Variants in HIVEP3 observed in about 807,000 individuals in gnomAD.
HIVEP3 encodes transcription factor HIVEP3.
A neutral mutation model predicts 152.8 loss-of-function variants in HIVEP3; 49 were observed. The ratio of observed to expected loss-of-function variants is 0.32; its 90% CI spans 0.26 to 0.41. The LOEUF (loss-of-function observed/expected upper bound fraction) is 0.41. HIVEP3 is among the 10% of genes least tolerant of loss of function. The pLI is 1.00. For missense variants in HIVEP3, 2,790 were observed against 3,103.3 expected, an observed-to-expected ratio of 0.90 and a Z score of 2.40; for synonymous variants, 1,269 against 1,289.0, an observed-to-expected ratio of 0.98 and a Z score of 0.33.
intron 2 of HIVEP3, among the ~76,000 whole-genome samples, chr1:41,666,122 C>CGT (rs60976179): frequency 0.01 from 1,549 of 149,824 alleles, 7 homozygotes; most frequent in Middle Eastern, 0.024. Context: ...GGTGTGTGTG[C>CGT]GTGTGTGTGT....
intron 1 of HIVEP3, chr1:41,847,632 A>G (rs918275383): frequency 6.6e-6 from 1 of 152,256 alleles, no homozygotes; most frequent in African/African-American, 2.4e-5. Context: ...GAAAAGCACA[A>G]TTATCCTGGA....
intron 1 of HIVEP3, among the ~76,000 whole-genome samples, chr1:41,866,273 C>T (rs1282647972): frequency 2.6e-5 from 4 of 152,244 alleles, no homozygotes; most frequent in Admixed American, 1.3e-4. Flanking sequence ...GGCTGGTCCT[C>T]CACCCCAGCT....
intron 1 of HIVEP3, among the ~76,000 whole-genome samples, chr1:41,952,685 C>T (rs1270812696): frequency 1.3e-5 from 2 of 152,070 alleles, no homozygotes; most frequent in South Asian, 2.1e-4. Flanking sequence ...TGTGTATATG[C>T]ACATGCATGT....
chr1:41,874,544 C>A (rs1340842470), intron 1 of HIVEP3, among the ~76,000 whole-genome samples: 1 of 152,200 alleles, frequency 6.6e-6, no homozygotes, highest in Non-Finnish European at 1.5e-5. Flanking sequence ...CGCTTTCCTG[C>A]CCTTGCAGAA....
chr1:41,965,973 C>A (rs1287229501), intron 1 of HIVEP3, among the ~76,000 whole-genome samples: 1 of 152,166 alleles, frequency 6.6e-6, no homozygotes, highest in South Asian at 2.1e-4. Flanking sequence ...TTAAAGGCAG[C>A]CAGAGAGAAA....
intron 1 of HIVEP3, among the ~76,000 whole-genome samples, chr1:41,754,866 G>A (rs1450093537): frequency 6.6e-6 from 1 of 152,148 alleles, no homozygotes. Context: ...AGCCGGGGTT[G>A]GTGTGGGTGT....
intron 1 of HIVEP3, among the ~76,000 whole-genome samples, chr1:41,950,363 C>G (rs1043003342): frequency 2.6e-5 from 4 of 152,138 alleles, no homozygotes; most frequent in Non-Finnish European, 5.9e-5. Context: ...ATGCTCTCCT[C>G]CCCCACCAGC....
rs115972818 is a variant in HIVEP3 at position 41,839,540 on chromosome 1, C to T, written c.-801+78873G>A. On this transcript the variant is annotated intron_variant, in intron 1 of 8. Transcript: ENST00000372583. The stretch of plus-strand genomic sequence containing the variant: ...CCACCTGTGGGCACCCCCAAGGCAC[C>T]TCCTTTCTAAGTTGCCCATAGGAGG... Among the ~76,000 whole-genome samples the T allele has an allele frequency of 3.4e-3, 516 of 152,344 alleles. 4 individuals are homozygous for T. Among genetic ancestry groups the T allele is most frequent in the African/African-American group, 0.012 (484 of 41,578 alleles).
chr1:41,834,682 G>A (rs1239664818), intron 1 of HIVEP3, among the ~76,000 whole-genome samples: 1 of 152,070 alleles, frequency 6.6e-6, no homozygotes, highest in Non-Finnish European at 1.5e-5. Flanking sequence ...ATTCAGTGAT[G>A]GACAAAACAG....
chr1:41,826,040 G>A (rs1642792953), intron 1 of HIVEP3, among the ~76,000 whole-genome samples: 1 of 152,136 alleles, frequency 6.6e-6, no homozygotes. Context: ...TGCAGTGCAT[G>A]ACCTGTGCAA....
chr1:41,790,802 T>C (rs1649645824), intron 1 of HIVEP3, among the ~76,000 whole-genome samples: 1 of 152,036 alleles, frequency 6.6e-6, no homozygotes, highest in African/African-American at 2.4e-5. Flanking sequence ...TCAAGCCAAC[T>C]TTATCTCCTT....
intron 5 of HIVEP3, among the ~76,000 whole-genome samples, chr1:41,562,510 T>C (rs947620107): frequency 9.2e-5 from 14 of 151,882 alleles, no homozygotes; most frequent in Non-Finnish European, 1.5e-5. Flanking sequence ...CCTTCCTCTC[T>C]TTCTCCTTCC....
chr1:41,934,295 A>G (rs41513349), intron 1 of HIVEP3, among the ~76,000 whole-genome samples: 10,731 of 152,186 alleles, frequency 0.071, 1,265 homozygotes, highest in African/African-American at 0.24. Context: ...CAGATTCTGC[A>G]TATTCAACAA....
At chr1:41,644,464 C>T (rs139241799) in intron 2 of HIVEP3, among the ~76,000 whole-genome samples, 2,491 of 152,262 alleles carry the variant, frequency 0.016, 29 homozygotes, top group Non-Finnish European at 0.022. Flanking sequence ...CTGTTTAACT[C>T]CCTGTCAGGA....
At chr1:41,789,135 C>T (rs531038191) in intron 1 of HIVEP3, among the ~76,000 whole-genome samples, 1 of 152,344 alleles carries the variant, frequency 6.6e-6, no homozygotes, top group South Asian at 2.1e-4. Context: ...CTGTTCATCT[C>T]ACAGCTCATA....
At chr1:41,961,404 A>C (rs1199241798) in intron 1 of HIVEP3, among the ~76,000 whole-genome samples, 1 of 152,278 alleles carries the variant, frequency 6.6e-6, no homozygotes, top group Admixed American at 6.5e-5. Flanking sequence ...ATAGTAACCA[A>C]GGCACCCAAT....
At position 41,557,253 on chromosome 1, in the gene HIVEP3, C is replaced by T. The variant is rs12078639; in HGVS notation, c.5207+18291G>A. Among the ~76,000 whole-genome samples the T allele has an allele frequency of 4.6e-3, 706 of 152,286 alleles. 4 individuals are homozygous for T. Among genetic ancestry groups the T allele is most frequent in the African/African-American group, 0.016 (649 of 41,534 alleles). ...TAGGTATTAGGGACCAAGACCAATC[C>T]GCTCTGGTCCCTGCCTTTAAGGAGT... On this transcript the variant is annotated intron_variant, in intron 5 of 8. Transcript: ENST00000372583.
intron 5 of HIVEP3, among the ~76,000 whole-genome samples, chr1:41,550,015 A>T (rs369215794): frequency 6.6e-6 from 1 of 152,274 alleles, no homozygotes; most frequent in Non-Finnish European, 1.5e-5. Context: ...TAAGTCTAAC[A>T]TTTAAGTCTT....
intron 1 of HIVEP3, among the ~76,000 whole-genome samples, chr1:41,947,390 C>G (rs1645081389): frequency 6.6e-6 from 1 of 152,186 alleles, no homozygotes; most frequent in African/African-American, 2.4e-5. Context: ...CCAAAGACAC[C>G]AGGGCCCTCA....
Sources: allele counts gnomAD v4.1 joint callset (sites outside exome capture counted in the v4.1 genomes callset), GRCh38; gene constraint gnomAD v4.1.1; transcripts MANE v1.5; gene names NCBI Gene and HGNC (gene_info 2026-07-23, HGNC 2026-07-21).